Variants in CHN1 observed in about 807,000 individuals in gnomAD.
CHN1 encodes the protein chimerin 1.
CHN1 carries 37 observed loss-of-function variants against 59.5 expected under a neutral mutation model. The observed-to-expected ratio is 0.62, with a 90% CI of 0.48 to 0.82. CHN1 has a LOEUF of 0.82. Among genes scored for constraint, CHN1 ranks in the 40% least tolerant of loss-of-function variants. The pLI, the probability that CHN1 is intolerant of heterozygous loss-of-function variation, is 0.00. For missense variants in CHN1, 469 were observed against 571.0 expected, an observed-to-expected ratio of 0.82 and a Z score of 1.82; for synonymous variants, 206 against 200.4, an observed-to-expected ratio of 1.03 and a Z score of -0.24.
At chr2:174,961,840 G>A (rs1690420234) in intron 1 of CHN1, among the ~76,000 whole-genome samples, 1 of 152,134 alleles carries the variant, frequency 6.6e-6, no homozygotes, top group Non-Finnish European at 1.5e-5. Flanking sequence ...GAGAATGAGA[G>A]TGATGAAAAT....
intron 1 of CHN1, among the ~76,000 whole-genome samples, chr2:174,958,592 T>C (rs1173967036): frequency 1.3e-5 from 2 of 152,222 alleles, no homozygotes; most frequent in African/African-American, 2.4e-5. Flanking sequence ...ACTGTGTACT[T>C]AGTGCTAGGT....
At chr2:174,823,439 G>A (rs1456800791) in intron 8 of CHN1, among the ~76,000 whole-genome samples, 2 of 152,130 alleles carry the variant, frequency 1.3e-5, no homozygotes, top group Non-Finnish European at 2.9e-5. Context: ...TGAGGCGGGT[G>A]GATCACGAGG....
chr2:174,918,543 TA>T lies in CHN1; in HGVS notation c.136del (p.Tyr46MetfsTer8). 6.3e-7 allele frequency: 1 copy of T among 1,591,288 alleles called. No homozygotes were observed. The highest frequency in any genetic ancestry group is 8.6e-7 in the Non-Finnish European group (1 of 1,167,646). Reference protein sequence around the residue: ...TCEVENRPKYYGREFHGMISR... With the variant: ...TCEVENRPKYXGREFHGMISR... Reference sequence around the variant, plus strand: ...AATAATCCATACTTACTCTCTTCCATAATACTTTGGTCTGTTTTCCACCTAT... The same window carrying T: ...AATAATCCATACTTACTCTCTTCCATATACTTTGGTCTGTTTTCCACCTAT... On this transcript the variant is annotated frameshift_variant, in exon 4 of 13. Transcript: ENST00000409900. LOFTEE classifies it high-confidence loss of function.
chr2:174,837,046 AT>A (rs745681087), intron 7 of CHN1: 14 of 152,194 alleles, frequency 9.2e-5, no homozygotes, highest in Non-Finnish European at 1.8e-4. Context: ...GACACAACAA[AT>A]TCCCTTTTTT....
chr2:175,005,366 C>G lies in CHN1; in HGVS notation c.-454G>C. On this transcript the variant is annotated 5_prime_UTR_variant, in exon 1 of 13. Coordinates refer to ENST00000409900, the MANE Select transcript of CHN1 (RefSeq NM_001822.7). Reference sequence around the variant, plus strand: ...CCGCGGCCTCGCAGACGCCATCTTGCGATAGCGTCTCCCACGAGCTCGGCC... The same window carrying G: ...CCGCGGCCTCGCAGACGCCATCTTGGGATAGCGTCTCCCACGAGCTCGGCC... 1.8e-6 allele frequency: 2 copies of G among 1,104,258 alleles called. No individual in the cohort carries two copies. The highest frequency in any genetic ancestry group is 7.7e-5 in the East Asian group (1 of 12,908). The allele number at this position is 1,104,258 out of a possible 1,614,324, so 68.4% of individuals were successfully genotyped here.
intron 3 of CHN1, among the ~76,000 whole-genome samples, chr2:174,936,185 G>T (rs1305243245): frequency 1.3e-5 from 2 of 152,054 alleles, no homozygotes; most frequent in African/African-American, 2.4e-5. Context: ...ACTCAAAAAT[G>T]CTATCCAACT....
intron 3 of CHN1, among the ~76,000 whole-genome samples, chr2:174,926,189 A>G (rs1689159510): frequency 6.6e-6 from 1 of 152,152 alleles, no homozygotes; most frequent in African/African-American, 2.4e-5. Flanking sequence ...TTTATAAACA[A>G]TGAACTACTT....
chr2:174,943,076 T>G (rs1689715661), intron 3 of CHN1, among the ~76,000 whole-genome samples: 1 of 151,844 alleles, frequency 6.6e-6, no homozygotes, highest in Non-Finnish European at 1.5e-5. Flanking sequence ...GTTAAGTAAA[T>G]AAGTAAATAA....
chr2:174,937,011 G>A (rs1689517747), intron 3 of CHN1, among the ~76,000 whole-genome samples: 1 of 152,002 alleles, frequency 6.6e-6, no homozygotes, highest in East Asian at 1.9e-4. Context: ...ATAGCAACTG[G>A]CAAGATTTTC....
chr2:174,962,677 G>A (rs1396125648), intron 1 of CHN1, among the ~76,000 whole-genome samples: 9 of 84,186 alleles, frequency 1.1e-4, no homozygotes, highest in Admixed American at 4.2e-4. Flanking sequence ...GGGGGGGGGG[G>A]GGGGGGCAGA....
intron 1 of CHN1, among the ~76,000 whole-genome samples, chr2:175,000,955 G>A (rs1462295527): frequency 2.6e-5 from 4 of 152,246 alleles, no homozygotes; most frequent in African/African-American, 9.6e-5. Context: ...TGTCCAGACT[G>A]GAGTGCAGTG....
intron 1 of CHN1, among the ~76,000 whole-genome samples, chr2:174,974,405 G>C (rs1195742013): frequency 6.6e-6 from 1 of 152,144 alleles, no homozygotes; most frequent in Non-Finnish European, 1.5e-5. Context: ...ATTGTCACTG[G>C]AAAATGAAAA....
chr2:174,896,305 T>G (rs1688216648), intron 5 of CHN1, among the ~76,000 whole-genome samples: 1 of 152,148 alleles, frequency 6.6e-6, no homozygotes, highest in African/African-American at 2.4e-5. Context: ...CCTCTTTGCT[T>G]CACATCTTTA....
chr2:174,952,847 A>G (rs1690065527), intron 1 of CHN1, among the ~76,000 whole-genome samples: 1 of 152,224 alleles, frequency 6.6e-6, no homozygotes, highest in South Asian at 2.1e-4. Context: ...ATGTTGCCTG[A>G]GTGCAGATGT....
chr2:174,819,535 A>G (rs1685406576), intron 8 of CHN1, among the ~76,000 whole-genome samples: 1 of 152,216 alleles, frequency 6.6e-6, no homozygotes, highest in Non-Finnish European at 1.5e-5. Context: ...TTTAAAGACG[A>G]ATGTTTGACA....
intron 5 of CHN1, among the ~76,000 whole-genome samples, chr2:174,879,950 TTTGA>T (rs1687686545): frequency 6.6e-6 from 1 of 152,154 alleles, no homozygotes; most frequent in Admixed American, 6.5e-5. Flanking sequence ...CTGGGAATGG[TTTGA>T]TTGACTAGGA....
chr2:174,869,665 T>TA (rs1487391594), intron 6 of CHN1, among the ~76,000 whole-genome samples: 2 of 152,192 alleles, frequency 1.3e-5, no homozygotes, highest in African/African-American at 4.8e-5. Flanking sequence ...AATTATACCT[T>TA]AAAAAGTTAT....
intron 7 of CHN1, chr2:174,846,540 T>A (rs568166690): frequency 1.6e-6 from 2 of 1,285,544 alleles, no homozygotes; most frequent in Admixed American, 6.5e-5. Context: ...TCTCATAAAA[T>A]CTCCAACAGA....
At chr2:174,936,669 T>C (rs1574186271) in intron 3 of CHN1, among the ~76,000 whole-genome samples, 1 of 152,264 alleles carries the variant, frequency 6.6e-6, no homozygotes, top group African/African-American at 2.4e-5. Context: ...TATATACCTA[T>C]AAATGACAGA....
Sources: gnomAD v4.1 joint callset for allele counts (sites outside exome capture counted in the v4.1 genomes callset) on GRCh38, gnomAD v4.1.1 for gene constraint, MANE v1.5 for transcripts, NCBI Gene and HGNC (gene_info 2026-07-23, HGNC 2026-07-21) for gene names.